ANGEL1: variants seen among roughly 807,000 people sequenced by gnomAD.
ANGEL1 encodes angel homolog 1, also known as RNA 2',3'-cyclic phosphatase ANGEL1.
In ANGEL1, 62 loss-of-function variants were observed where a neutral mutation model predicts 76.4. That is an observed-to-expected ratio of 0.81 (90% CI 0.66 to 1.00). The LOEUF (loss-of-function observed/expected upper bound fraction) is 1.00, where lower values mean the gene tolerates loss of function less well. Among genes scored for constraint, ANGEL1 ranks in the 50% least tolerant of loss-of-function variants. ANGEL1 has a pLI of 0.00. For missense variants in ANGEL1, 737 were observed against 836.7 expected, an observed-to-expected ratio of 0.88 and a Z score of 1.47; for synonymous variants, 340 against 331.7, an observed-to-expected ratio of 1.03 and a Z score of -0.27.
rs538147442 is a variant in ANGEL1 at position 76,787,805 on chromosome 14, T to C, written c.*1423A>G. The stretch of plus-strand genomic sequence containing the variant: ...ACCAGGGCCAGCAGCCACTCTGACT[T>C]AGGGAGATGTGTGGAGGGGCTGGCC... On this transcript the variant is annotated 3_prime_UTR_variant, in exon 10 of 10. Coordinates refer to ENST00000251089, the MANE Select transcript of ANGEL1 (RefSeq NM_015305.4). The C allele has an allele frequency of 6.6e-6, 1 of 152,590 alleles. No individual in the cohort carries two copies. Among genetic ancestry groups the C allele is most frequent in the Non-Finnish European group, 1.5e-5 (1 of 68,114 alleles). The allele number at this position is 152,590 out of a possible 1,614,324, so 9.5% of individuals were successfully genotyped here.
intron 7 of ANGEL1, among the ~76,000 whole-genome samples, chr14:76,803,164 T>C (rs1378582766): frequency 6.6e-6 from 1 of 152,232 alleles, no homozygotes; most frequent in African/African-American, 2.4e-5. Flanking sequence ...ACAACCCAGG[T>C]GTCTTGATTC....
rs748327599 is a variant in ANGEL1 at position 76,808,022 on chromosome 14, T to A, written c.776A>T (p.Gln259Leu). The change falls in exon 3 of 10, where the codon CAG becomes CTG. Residue 259 changes from glutamine to leucine, a missense_variant. By Grantham distance (113) the Gln-to-Leu change is moderately radical. This residue lies in a region of ANGEL1 where 441 missense variants were observed against 449.5 expected (regional missense o/e 0.98). Coordinates refer to ENST00000251089, the MANE Select transcript of ANGEL1 (RefSeq NM_015305.4). Reference sequence around the variant, plus strand: ...ATGTAGATAGAGCTCTGAGCTCTGCTGCATCAGGTCCTGAGCCAGGATGTT... The same window carrying A: ...ATGTAGATAGAGCTCTGAGCTCTGCAGCATCAGGTCCTGAGCCAGGATGTT... Reference protein sequence around the residue: ...SYNILAQDLMQQSSELYLHCH... With the variant: ...SYNILAQDLMLQSSELYLHCH... 2 of 1,614,192 alleles carry A rather than the reference T, an allele frequency of 1.2e-6. No homozygotes were observed. The highest frequency in any genetic ancestry group is 3.3e-5 in the Admixed American group (2 of 60,028).
At position 76,789,075 on chromosome 14, in the gene ANGEL1, G is replaced by GAC. The variant is rs1894321476; in HGVS notation, c.*152_*153insGT. The GAC allele has an allele frequency of 4.7e-6, 5 of 1,072,436 alleles. No homozygotes were observed. The highest frequency in any genetic ancestry group is 2.3e-5 in the Admixed American group (1 of 43,984). 66.4% of individuals were successfully genotyped at this position (1,072,436 alleles called of 1,614,324 possible). ...GGCAGAGAACGCAGCCAGGCCTGGA[G>GAC]AAAGTCTAACCGTGGGAAAAAGGGA... On this transcript the variant is annotated 3_prime_UTR_variant, in exon 10 of 10. Coordinates refer to ENST00000251089, the MANE Select transcript of ANGEL1 (RefSeq NM_015305.4).
rs1459561327 is a variant in ANGEL1 at position 76,787,248 on chromosome 14, G to T, written c.*1980C>A. The T allele has an allele frequency of 6.6e-6, 1 of 151,940 alleles. No individual in the cohort carries two copies. The highest frequency in any genetic ancestry group is 1.5e-5 in the Non-Finnish European group (1 of 67,952). The allele number at this position is 151,940 out of a possible 1,614,324, so 9.4% of individuals were successfully genotyped here. ...TCCTAATAAAATGAACAACATTGGGGGGAAAAAAGGTAAACCTTTATTTGG... is the reference window on the plus strand; with the variant it reads ...TCCTAATAAAATGAACAACATTGGGTGGAAAAAAGGTAAACCTTTATTTGG... On this transcript the variant is annotated 3_prime_UTR_variant, in exon 10 of 10. Coordinates refer to ENST00000251089, the MANE Select transcript of ANGEL1 (RefSeq NM_015305.4).
At chr14:76,810,997 C>T (rs1895066685) in intron 1 of ANGEL1, among the ~76,000 whole-genome samples, 3 of 152,144 alleles carry the variant, frequency 2.0e-5, no homozygotes, top group South Asian at 2.1e-4. Context: ...TATTGAAAGA[C>T]GGTTCAAATA....
intron 1 of ANGEL1, 52 bp downstream of exon 1, chr14:76,812,712 G>A (rs1246556155): frequency 2.0e-6 from 3 of 1,473,234 alleles, no homozygotes; most frequent in Non-Finnish European, 9.0e-7. Context: ...GCGGAGCCCC[G>A]CAGAGGCGAG....
intron 3 of ANGEL1, 21 bp downstream of exon 3, chr14:76,807,901 C>A: frequency 6.2e-7 from 1 of 1,610,232 alleles, no homozygotes; most frequent in Non-Finnish European, 8.5e-7. Context: ...TGCAAGATGG[C>A]AATTCCCCCT....
chr14:76,801,112 CTTTT>C (rs561312929), intron 7 of ANGEL1, among the ~76,000 whole-genome samples: 16 of 142,530 alleles, frequency 1.1e-4, no homozygotes, highest in African/African-American at 2.6e-4. Flanking sequence ...TCTCCTACAT[CTTTT>C]TTTTTTTTTT....
At chr14:76,807,371 A>G (rs1894949096) in intron 4 of ANGEL1, 62 bp downstream of exon 4, 2 of 1,508,568 alleles carry the variant, frequency 1.3e-6, no homozygotes, top group Non-Finnish European at 1.8e-6. Context: ...TGGGGTCTTC[A>G]GGAGAGAGTA....
chr14:76,799,842 T>C (rs1461900665), intron 7 of ANGEL1, among the ~76,000 whole-genome samples: 9 of 147,690 alleles, frequency 6.1e-5, no homozygotes, highest in African/African-American at 2.3e-4. Flanking sequence ...AGATCAAGGC[T>C]ACACAGTGAG....
intron 7 of ANGEL1, among the ~76,000 whole-genome samples, chr14:76,797,844 T>C (rs1209221670): frequency 2.0e-5 from 3 of 152,238 alleles, no homozygotes; most frequent in Non-Finnish European, 4.4e-5. Flanking sequence ...AATGTGCCAG[T>C]GTCTATGAGA....
At chr14:76,790,584 G>A (rs1894374199) in intron 9 of ANGEL1, 27 bp downstream of exon 9, 12 of 1,586,006 alleles carry the variant, frequency 7.6e-6, no homozygotes, top group Non-Finnish European at 9.5e-6. Flanking sequence ...CCTGGGGGTG[G>A]AGGAACCCAG....
chr14:76,805,246 A>C (rs1894884796), intron 5 of ANGEL1, among the ~76,000 whole-genome samples: 1 of 152,142 alleles, frequency 6.6e-6, no homozygotes, highest in African/African-American at 2.4e-5. Context: ...AAAGTTAAGT[A>C]ATTTGCTCAA....
intron 5 of ANGEL1, 134 bp from the exon 6 acceptor site, chr14:76,804,046 A>T: frequency 6.4e-7 from 1 of 1,570,074 alleles, no homozygotes; most frequent in Non-Finnish European, 8.6e-7. Context: ...ACAAGCATAT[A>T]AGTCTCAGGG....
At chr14:76,802,507 A>G (rs752666122) in intron 7 of ANGEL1, among the ~76,000 whole-genome samples, 6 of 152,154 alleles carry the variant, frequency 3.9e-5, no homozygotes, top group Non-Finnish European at 8.8e-5. Flanking sequence ...CTCTCTCCCA[A>G]GCCAAAAGAG....
At chr14:76,803,726 C>T (rs1175991752) in intron 6 of ANGEL1, 60 bp downstream of exon 6, 2 of 1,548,820 alleles carry the variant, frequency 1.3e-6, no homozygotes, top group Non-Finnish European at 1.7e-6. Context: ...GTTGAGACAC[C>T]AGCTTTCTCC....
chr14:76,810,076 T>A (rs1165945147), intron 1 of ANGEL1: 2 of 396,780 alleles, frequency 5.0e-6, no homozygotes, highest in Non-Finnish European at 1.0e-5. Flanking sequence ...GCACCAAAAT[T>A]AATAAAACTG....
rs936501507 is a variant in ANGEL1 at position 76,790,515 on chromosome 14, T to A, written c.1852+96A>T. ...GAAATCTGCTCCTTTGCTGGTTAAA[T>A]CCCAGCAGCTGAAGACATGCTACCA... On this transcript the variant is annotated intron_variant, in intron 9 of 9. Transcript: ENST00000251089. The A allele has an allele frequency of 2.0e-6, 3 of 1,516,364 alleles. No individual in the cohort carries two copies. In the Admixed American group the frequency reaches 6.3e-5, roughly 32 times the overall value. The allele number at this position is 1,516,364 out of a possible 1,614,324, so 93.9% of individuals were successfully genotyped here. A position where few individuals can be genotyped will look rare whatever the true frequency, so the allele number is the denominator to read the frequency against.
chr14:76,801,054 T>A (rs1227598581), intron 7 of ANGEL1, among the ~76,000 whole-genome samples: 3 of 151,930 alleles, frequency 2.0e-5, no homozygotes, highest in Non-Finnish European at 4.4e-5. Context: ...CAAAAGATTC[T>A]TTCATCTTTG....
Sources: gnomAD v4.1 joint callset for allele counts (sites outside exome capture counted in the v4.1 genomes callset) on GRCh38, gnomAD v4.1.1 for gene constraint, gnomAD v4.1.1 regional missense constraint, MANE v1.5 for transcripts, NCBI Gene and HGNC (gene_info 2026-07-23, HGNC 2026-07-21) for gene names.